Variants in TAFA5 observed in about 807,000 individuals in gnomAD.
TAFA5 encodes TAFA chemokine like family member 5.
In TAFA5, 6 loss-of-function variants were observed where a neutral mutation model predicts 15.3. The observed-to-expected ratio is 0.39, with a 90% CI of 0.21 to 0.77. TAFA5 has a LOEUF of 0.77. Among genes scored for constraint, TAFA5 ranks in the 30% least tolerant of loss-of-function variants. TAFA5 has a pLI of 0.41. For missense variants in TAFA5, 161 were observed against 193.1 expected, an observed-to-expected ratio of 0.83 and a Z score of 0.98; for synonymous variants, 103 against 80.7, an observed-to-expected ratio of 1.28 and a Z score of -1.48.
intron 2 of TAFA5, among the ~76,000 whole-genome samples, chr22:48,704,152 A>G (rs1047213282): frequency 1.3e-5 from 2 of 151,708 alleles, no homozygotes; most frequent in African/African-American, 4.8e-5. Flanking sequence ...TCTTCCTTTC[A>G]TGTCCTTCAG....
chr22:48,587,635 T>C (rs1383065785), intron 1 of TAFA5, among the ~76,000 whole-genome samples: 1 of 152,190 alleles, frequency 6.6e-6, no homozygotes, highest in Non-Finnish European at 1.5e-5. Context: ...CACCTGGTCC[T>C]CTGGCTGATG....
At position 48,729,680 on chromosome 22, in the gene TAFA5, T is replaced by A. The variant is rs940851064; in HGVS notation, c.391-20159T>A. ...TAAAATATAAATAAATATAAATTTA[T>A]AAGTTTATATTTAAATTTATTTTAA... is the stretch of plus-strand genomic sequence containing the variant. On this transcript the variant is annotated intron_variant, in intron 3 of 3. Coordinates refer to ENST00000402357, the MANE Select transcript of TAFA5 (RefSeq NM_001082967.3). Among the ~76,000 whole-genome samples the A allele has an allele frequency of 1.1e-3, 156 of 147,282 alleles. 1 individual carries two copies. Among genetic ancestry groups the A allele is most frequent in the African/African-American group, 3.4e-3 (137 of 40,838 alleles).
intron 2 of TAFA5, among the ~76,000 whole-genome samples, chr22:48,649,380 C>G (rs532545485): frequency 1.3e-5 from 2 of 152,226 alleles, no homozygotes; most frequent in East Asian, 3.9e-4. Context: ...GAGAGTGTGG[C>G]GCGAGAGGCT....
intron 2 of TAFA5, among the ~76,000 whole-genome samples, chr22:48,666,630 TTGGTG>T (rs139497444): frequency 2.0e-3 from 306 of 152,352 alleles, no homozygotes; most frequent in African/African-American, 7.0e-3. Flanking sequence ...CCATTCCCTC[TTGGTG>T]TGGACATGTC....
At chr22:48,603,312 G>A (rs1277117351) in intron 1 of TAFA5, among the ~76,000 whole-genome samples, 1 of 152,246 alleles carries the variant, frequency 6.6e-6, no homozygotes, top group East Asian at 1.9e-4. Context: ...CACCCACTCA[G>A]CGATGAGTCA....
chr22:48,702,754 C>T (rs948808089), intron 2 of TAFA5, among the ~76,000 whole-genome samples: 18 of 152,224 alleles, frequency 1.2e-4, no homozygotes, highest in African/African-American at 3.6e-4. Context: ...GGCCTCCTCA[C>T]CCGAGCCCGG....
intron 1 of TAFA5, among the ~76,000 whole-genome samples, chr22:48,630,235 G>T (rs1601627497): frequency 1.3e-5 from 2 of 152,280 alleles, no homozygotes; most frequent in African/African-American, 4.8e-5. Context: ...AACGCTGCTG[G>T]GCATCTCTGG....
intron 3 of TAFA5, among the ~76,000 whole-genome samples, chr22:48,743,834 T>C (rs1214174356): frequency 6.6e-6 from 1 of 152,220 alleles, no homozygotes; most frequent in African/African-American, 2.4e-5. Context: ...GGATAAATGT[T>C]TGACAGATAA....
intron 1 of TAFA5, among the ~76,000 whole-genome samples, chr22:48,622,929 G>A (rs1925891250): frequency 1.3e-5 from 2 of 152,246 alleles, no homozygotes; most frequent in African/African-American, 4.8e-5. Context: ...ACACTACTGG[G>A]CGGGCAGGGA....
chr22:48,639,228 C>CT lies in TAFA5; in HGVS notation c.113-7369_113-7368insT, dbSNP rs1926587190. Among the ~76,000 whole-genome samples, 3 of 152,270 alleles carry CT rather than the reference C, an allele frequency of 2.0e-5. No individual in the cohort carries two copies. In the South Asian group the frequency reaches 6.2e-4, roughly 32 times the overall value. On this transcript the variant is annotated intron_variant, in intron 1 of 3. Coordinates refer to ENST00000402357, the MANE Select transcript of TAFA5 (RefSeq NM_001082967.3). The stretch of plus-strand genomic sequence containing the variant: ...TTTCTCCCCGTTGGGGACCTGCCCC[C>CT]GGGCCCCACCTTCCCAGTGGCACTG...
intron 3 of TAFA5, among the ~76,000 whole-genome samples, chr22:48,736,812 G>A (rs928047917): frequency 2.0e-5 from 3 of 152,218 alleles, no homozygotes; most frequent in Non-Finnish European, 2.9e-5. Flanking sequence ...ATGAAGGCCC[G>A]TGGCCGCCAG....
intron 1 of TAFA5, among the ~76,000 whole-genome samples, chr22:48,582,293 C>A (rs1924078597): frequency 6.6e-6 from 1 of 151,948 alleles, no homozygotes; most frequent in Non-Finnish European, 1.5e-5. Context: ...TGCTGCACAC[C>A]ACATACACAC....
intron 1 of TAFA5, among the ~76,000 whole-genome samples, chr22:48,609,963 G>A (rs929710150): frequency 2.6e-5 from 4 of 152,218 alleles, no homozygotes; most frequent in African/African-American, 7.2e-5. Flanking sequence ...CCACCCTAAT[G>A]GCCCTCGCCT....
chr22:48,633,319 G>A lies in TAFA5; in HGVS notation c.113-13278G>A, dbSNP rs1035020506. On this transcript the variant is annotated intron_variant, in intron 1 of 3. Coordinates refer to ENST00000402357, the MANE Select transcript of TAFA5 (RefSeq NM_001082967.3). ...GGCCTGGGAGACTGGGCAGGTGGTCGTTGCACAGATATTCCTGAATGTTGG... is the reference window on the plus strand; with the variant it reads ...GGCCTGGGAGACTGGGCAGGTGGTCATTGCACAGATATTCCTGAATGTTGG... Among the ~76,000 whole-genome samples, 4 of 152,330 alleles carry A rather than the reference G, an allele frequency of 2.6e-5. No individual in the cohort carries two copies. In the East Asian group the frequency reaches 5.8e-4, roughly 22 times the overall value.
chr22:48,517,925 G>C (rs933257719), intron 1 of TAFA5, among the ~76,000 whole-genome samples: 1 of 152,226 alleles, frequency 6.6e-6, no homozygotes, highest in Non-Finnish European at 1.5e-5. Context: ...GTGACGGTGC[G>C]GGGGCAGCCT....
At chr22:48,500,288 A>G (rs922555135) in intron 1 of TAFA5, among the ~76,000 whole-genome samples, 1 of 152,192 alleles carries the variant, frequency 6.6e-6, no homozygotes, top group Non-Finnish European at 1.5e-5. Context: ...TCCCTGACCA[A>G]CAACAGCTTA....
intron 1 of TAFA5, among the ~76,000 whole-genome samples, chr22:48,529,229 G>C (rs369366799): frequency 9.9e-6 from 1 of 100,936 alleles, no homozygotes; most frequent in African/African-American, 3.4e-5. Flanking sequence ...GCAGGAGATG[G>C]GGGTGTTCAG....
rs1353330400 is a variant in TAFA5, at chr22:48,489,827, G to A, written c.112+123G>A. 3.9e-6 allele frequency: 2 copies of A among 508,510 alleles called. No homozygotes were observed. Among genetic ancestry groups the A allele is most frequent in the Admixed American group, 4.7e-5 (1 of 21,154 alleles). 31.5% of individuals were successfully genotyped at this position (508,510 alleles called of 1,614,324 possible). A position where few individuals can be genotyped will look rare whatever the true frequency, so the allele number is the denominator to read the frequency against. Reference sequence around the variant, plus strand: ...GCGGAGTTACGAGCGCCGGGCGCATGGTCCCCCGAGTCCCGGCCGGTCCAA... The same window carrying A: ...GCGGAGTTACGAGCGCCGGGCGCATAGTCCCCCGAGTCCCGGCCGGTCCAA... On this transcript the variant is annotated intron_variant, in intron 1 of 3. Transcript: ENST00000402357. This position sits in a 1 kb window ranked among gnomAD's most constrained non-coding sequence, Gnocchi z 5.5.
intron 1 of TAFA5, among the ~76,000 whole-genome samples, chr22:48,559,043 G>C (rs565635493): frequency 3.3e-5 from 5 of 152,334 alleles, no homozygotes; most frequent in African/African-American, 1.2e-4. Flanking sequence ...CAGGCCCTTA[G>C]GAAAGAGGCG....
Sources: allele counts gnomAD v4.1 joint callset (sites outside exome capture counted in the v4.1 genomes callset), GRCh38; gene constraint gnomAD v4.1.1; non-coding constraint Gnocchi (gnomAD v3.1); transcripts MANE v1.5; gene names NCBI Gene and HGNC (gene_info 2026-07-23, HGNC 2026-07-21).